Variants in PTPRS observed in about 807,000 individuals in gnomAD.
PTPRS encodes protein tyrosine phosphatase receptor type S.
Under a neutral mutation model 215.3 loss-of-function variants are expected in PTPRS, and 63 were observed. That is an observed-to-expected ratio of 0.29 (90% CI 0.24 to 0.36). PTPRS has a LOEUF of 0.36. Among genes scored for constraint, PTPRS ranks in the 10% least tolerant of loss-of-function variants. PTPRS has a pLI of 1.00. For synonymous variants in PTPRS, 1,404 were observed against 1,191.4 expected (o/e 1.18, Z -3.68); for missense variants, 2,258 against 2,825.8 (o/e 0.80, Z 4.56).
chr19:5,223,649 GCCTC>G (rs2042216843), intron 17 of PTPRS, among the ~76,000 whole-genome samples: 1 of 110,556 alleles, frequency 9.0e-6, no homozygotes, highest in African/African-American at 5.4e-5. Context: ...TACAAGCTCT[GCCTC>G]CCGGGTTCAA....
At chr19:5,340,640 T>TA (rs1568632750) in intron 1 of PTPRS, 24 bp downstream of exon 1, 1 of 112,498 alleles carries the variant, frequency 8.9e-6, no homozygotes, top group East Asian at 2.2e-4. Flanking sequence ...TAATCCATGA[T>TA]TTTATTTTTT....
At chr19:5,324,920 G>A (rs1322923407) in intron 1 of PTPRS, among the ~76,000 whole-genome samples, 1 of 152,204 alleles carries the variant, frequency 6.6e-6, no homozygotes, top group African/African-American at 2.4e-5. Flanking sequence ...ATCCCCAGGA[G>A]AGCCACATCC....
At chr19:5,225,393 G>A (rs1458884127) in intron 17 of PTPRS, among the ~76,000 whole-genome samples, 1 of 152,144 alleles carries the variant, frequency 6.6e-6, no homozygotes, top group East Asian at 1.9e-4. Flanking sequence ...AGGCAGAAGA[G>A]GAGCCAGCCA....
intron 2 of PTPRS, among the ~76,000 whole-genome samples, chr19:5,276,157 A>G (rs1175295458): frequency 6.6e-6 from 1 of 151,982 alleles, no homozygotes; most frequent in African/African-American, 2.4e-5. Flanking sequence ...CACATTCTTC[A>G]CCCTCCATGA....
intron 20 of PTPRS, 143 bp downstream of exon 20, chr19:5,220,857 G>T: frequency 2.1e-6 from 2 of 969,960 alleles, no homozygotes; most frequent in Non-Finnish European, 3.1e-6. Flanking sequence ...ATTGAATCTT[G>T]GATGACCCCA....
rs781245835 is a variant in PTPRS, at chr19:5,210,805, C to T, written c.5235G>A (p.Arg1745=). 2 of 1,613,404 alleles carry T rather than the reference C, an allele frequency of 1.2e-6. No individual in the cohort carries two copies. Among genetic ancestry groups the T allele is most frequent in the Non-Finnish European group, 8.5e-7 (1 of 1,179,930 alleles). ...YINASFIDGY[R]QQKAYIATQG... ...GTGTCGCGATGTAGGCCTTCTGCTGCCTGCAGGCGTTGGGGGTATGAGCCC... is the reference window on the plus strand; with the variant it reads ...GTGTCGCGATGTAGGCCTTCTGCTGTCTGCAGGCGTTGGGGGTATGAGCCC... The change falls in exon 34 of 38, where the codon AGG becomes AGA. Residue 1745 remains arginine, a splice_region_variant and synonymous_variant. Transcript: ENST00000262963. This position sits in a 1 kb window ranked among gnomAD's most constrained non-coding sequence, Gnocchi z 4.5.
chr19:5,321,516 C>T (rs2050023324), intron 1 of PTPRS, among the ~76,000 whole-genome samples: 1 of 152,166 alleles, frequency 6.6e-6, no homozygotes, highest in Non-Finnish European at 1.5e-5. Flanking sequence ...TAAACCCTGA[C>T]CCAGATCGAC....
chr19:5,229,401 G>A (rs1465836806), intron 15 of PTPRS, 59 bp from the exon 16 acceptor site: 9 of 1,353,866 alleles, frequency 6.6e-6, no homozygotes, highest in Middle Eastern at 2.2e-4. Context: ...GGAGGCCAGA[G>A]ATGGAGAAAG....
chr19:5,298,422 CCTT>C (rs2147072689), intron 1 of PTPRS, among the ~76,000 whole-genome samples: 2 of 152,360 alleles, frequency 1.3e-5, no homozygotes, highest in Non-Finnish European at 2.9e-5. Flanking sequence ...TGTCCCACCT[CCTT>C]CATATTTGGC....
Position 5,257,937 on chromosome 19 carries a change from C to A in PTPRS, c.706+80G>T. The A allele has an allele frequency of 7.9e-7, 1 of 1,267,420 alleles. No individual in the cohort carries two copies. The highest frequency in any genetic ancestry group is 1.1e-6 in the Non-Finnish European group (1 of 893,506). 78.5% of individuals were successfully genotyped at this position (1,267,420 alleles called of 1,614,324 possible). ...TTGGGTGTGCAGGGGACGGGGGAGC[C>A]CGGAGGCGGTGAGCCCGAGGAGGGA... is the stretch of plus-strand genomic sequence containing the variant. On this transcript the variant is annotated intron_variant, in intron 8 of 37. Coordinates refer to ENST00000262963, the MANE Select transcript of PTPRS (RefSeq NM_002850.4). The surrounding 1 kb of genome is among the most constrained non-coding windows in gnomAD (Gnocchi z 4.4).
At chr19:5,291,751 C>T (rs1043001566) in intron 1 of PTPRS, among the ~76,000 whole-genome samples, 3 of 152,016 alleles carry the variant, frequency 2.0e-5, no homozygotes, top group East Asian at 3.9e-4. Flanking sequence ...CCACTCCAAG[C>T]TGAGCCCCGT....
rs1244320927 is a variant in PTPRS at position 5,244,184 on chromosome 19, C to T, written c.1287G>A (p.Ala429=). ...GCATCCGGGCTTGCACGTTCCGCGG[C>T]GCGCTGGCCGGGGCCTGCTCGCCTG... ...TRTGEQAPAS[A]PRNVQARMLS... Residue 429 remains alanine (A), a synonymous_variant, in exon 11 of 38, where the codon GCG becomes GCA. Transcript: ENST00000262963. This position sits in a 1 kb window ranked among gnomAD's most constrained non-coding sequence, Gnocchi z 7.2. 2.5e-6 allele frequency: 4 copies of T among 1,599,074 alleles called. No individual in the cohort carries two copies. The highest frequency in any genetic ancestry group is 2.2e-5 in the East Asian group (1 of 44,718).
rs8111385 is a variant in PTPRS at position 5,293,164 on chromosome 19, A to G, written c.-94-6930T>C. The stretch of plus-strand genomic sequence containing the variant: ...ACCCCGCGGCTCGGAGATCGGGCCC[A>G]GGCCCCGCGAGGCCTCCACAGGGCC... On this transcript the variant is annotated intron_variant, in intron 1 of 37. Transcript: ENST00000262963. This position sits in a 1 kb window ranked among gnomAD's most constrained non-coding sequence, Gnocchi z 8.4. 129,767 of 151,286 alleles carry G rather than the reference A, an allele frequency of 0.86. 55,872 individuals carry two copies. Among genetic ancestry groups the G allele is most frequent in the African/African-American group, 0.9 (37,249 of 41,326 alleles). The allele number at this position is 151,286 out of a possible 1,614,324, so 9.4% of individuals were successfully genotyped here. A position where few individuals can be genotyped will look rare whatever the true frequency, so the allele number is the denominator to read the frequency against.
At chr19:5,206,955 G>T in intron 37 of PTPRS, 113 bp from the exon 38 acceptor site, 1 of 939,234 alleles carries the variant, frequency 1.1e-6, no homozygotes, top group Non-Finnish European at 1.7e-6. Context: ...GTCTCTTGCA[G>T]AAGGTCTCTT....
Position 5,211,324 on chromosome 19 carries a change from T to TGAAAATAAGAAAA in PTPRS, c.5234+265_5234+266insTTTTCTTATTTTC, listed in dbSNP as rs1568364722. Among the ~76,000 whole-genome samples, 3 of 152,076 alleles carry TGAAAATAAGAAAA rather than the reference T, an allele frequency of 2.0e-5. No individual in the cohort carries two copies. In the East Asian group the frequency reaches 5.8e-4, roughly 29 times the overall value. ...CAGTAGTACTCATGAAAATAAGAAA[T>TGAAAATAAGAAAA]ATCCTCAGGGTGTCAGAATTACCCC... On this transcript the variant is annotated intron_variant, in intron 33 of 37. Coordinates refer to ENST00000262963, the MANE Select transcript of PTPRS (RefSeq NM_002850.4).
At chr19:5,255,192 G>A (rs1253874769) in intron 9 of PTPRS, among the ~76,000 whole-genome samples, 1 of 152,192 alleles carries the variant, frequency 6.6e-6, no homozygotes, top group Non-Finnish European at 1.5e-5. Flanking sequence ...TACCTCTGGG[G>A]AAAGAGGAGC....
chr19:5,291,040 T>C lies in PTPRS; in HGVS notation c.-94-4806A>G, dbSNP rs113227987. ...GCGCCATTATCTCCCTATCAGGAAA[T>C]GGGCTCAGGGAGGGGCTGGGTGGGG... On this transcript the variant is annotated intron_variant, in intron 1 of 37. Coordinates refer to ENST00000262963, the MANE Select transcript of PTPRS (RefSeq NM_002850.4). Among the ~76,000 whole-genome samples, 830 of 150,474 alleles carry C rather than the reference T, an allele frequency of 5.5e-3. 11 individuals are homozygous for C. Among genetic ancestry groups the C allele is most frequent in the African/African-American group, 0.019 (786 of 41,268 alleles).
intron 4 of PTPRS, among the ~76,000 whole-genome samples, chr19:5,266,586 C>G (rs28673242): frequency 6.6e-6 from 1 of 152,030 alleles, no homozygotes; most frequent in Non-Finnish European, 1.5e-5. Flanking sequence ...AGGCTGGTCT[C>G]GAACTCCTGA....
Position 5,231,324 on chromosome 19 carries a change from C to T in PTPRS, c.2141G>A (p.Arg714His), listed in dbSNP as rs769069932. 9 of 1,608,250 alleles carry T rather than the reference C, an allele frequency of 5.6e-6. No homozygotes were observed. Among genetic ancestry groups the T allele is most frequent in the East Asian group, 2.2e-5 (1 of 44,828 alleles). The part of the protein sequence containing the change: ...PGPESSPVVV[R>H]TDEDVPSAPP... ...CAGGTACTTACCATCCTCGTCGGTG[C>T]GGACGACCACGGGCGAGCTCTCGGG... Residue 714 changes from arginine (R) to histidine (H), a missense_variant, in exon 14 of 38, where the codon CGC (arginine) becomes CAC (histidine). Coordinates refer to ENST00000262963, the MANE Select transcript of PTPRS (RefSeq NM_002850.4).
Sources: gnomAD v4.1 joint callset for allele counts (sites outside exome capture counted in the v4.1 genomes callset) on GRCh38, gnomAD v4.1.1 for gene constraint, Gnocchi (gnomAD v3.1) non-coding constraint, MANE v1.5 for transcripts, NCBI Gene and HGNC (gene_info 2026-07-23, HGNC 2026-07-21) for gene names.